The following PTGER3 variants were observed in gnomAD, a reference collection of about 807,000 sequenced individuals.
The protein encoded by PTGER3 is prostaglandin E2 receptor EP3 subtype.
In PTGER3, 22 loss-of-function variants were observed where a neutral mutation model predicts 34.7. The observed-to-expected ratio is 0.63, with a 90% CI of 0.45 to 0.91. PTGER3 has a LOEUF of 0.91. Among genes scored for constraint, PTGER3 ranks in the 40% least tolerant of loss-of-function variants. The pLI is 0.00. For synonymous variants in PTGER3, 241 were observed against 230.1 expected, an observed-to-expected ratio of 1.05 and a Z score of -0.43; for missense variants, 468 against 519.4, an observed-to-expected ratio of 0.90 and a Z score of 0.96.
intron 2 of PTGER3, chr1:71,008,443 A>G: frequency 1.1e-6 from 1 of 894,946 alleles, no homozygotes; most frequent in Non-Finnish European, 1.3e-6. Context: ...TAGGAATTAT[A>G]AAAGGGAATA....
rs563142497 is a variant in PTGER3 at position 70,930,872 on chromosome 1, C to T, written c.*23+22891G>A. Among the ~76,000 whole-genome samples the T allele has an allele frequency of 2.0e-5, 3 of 152,208 alleles. No individual in the cohort carries two copies. The East Asian group carries it at 5.8e-4, about 30-fold the overall frequency. On this transcript the variant is annotated intron_variant, in intron 4 of 4. Coordinates refer to the PTGER3 transcript ENST00000370931. ...TTCCTCCCCTGGCCCCTCCAAATCT[C>T]ATGTTCTCACATTTCAAAACCAATC...
At chr1:71,014,158 T>A (rs1292528143) in intron 1 of PTGER3, among the ~76,000 whole-genome samples, 1 of 152,140 alleles carries the variant, frequency 6.6e-6, no homozygotes, top group East Asian at 1.9e-4. Flanking sequence ...CACAGTACAT[T>A]TCTATTGAAC....
chr1:71,030,305 T>C (rs1659297586), intron 1 of PTGER3, among the ~76,000 whole-genome samples: 1 of 152,176 alleles, frequency 6.6e-6, no homozygotes. Context: ...CTAAGGCTCT[T>C]TCTCTTTTCC....
At chr1:71,008,267 A>T (rs1657139447) in intron 2 of PTGER3, 1 of 912,244 alleles carries the variant, frequency 1.1e-6, no homozygotes, top group Admixed American at 6.2e-5. Context: ...AAAATAAGAT[A>T]ATTTTTATTC....
At chr1:70,978,243 C>G (rs917255371) in intron 2 of PTGER3, among the ~76,000 whole-genome samples, 22 of 152,058 alleles carry the variant, frequency 1.4e-4, no homozygotes, top group African/African-American at 4.8e-4. Flanking sequence ...GGTATATGCT[C>G]TCATCTTTGA....
At position 71,047,299 on chromosome 1, in the gene PTGER3, GC is replaced by G; in HGVS notation, c.278del (p.Gly93AlafsTer43). On this transcript the variant is annotated frameshift_variant, in exon 1 of 4. Transcript: ENST00000306666. LOFTEE classifies it high-confidence loss of function. ...KRKKSFLLCI[G>X]WLALTDLVGQ... ...CGACCAGGTCGGTGAGCGCCAGCCA[GC>G]CGATGCACAGCAGGAAGGACTTCTT... The G allele has an allele frequency of 6.2e-7, 1 of 1,603,484 alleles. No individual in the cohort carries two copies. Among genetic ancestry groups the G allele is most frequent in the Non-Finnish European group, 8.5e-7 (1 of 1,175,660 alleles).
At chr1:70,942,755 G>C (rs1395532318) in intron 4 of PTGER3, among the ~76,000 whole-genome samples, 5 of 152,094 alleles carry the variant, frequency 3.3e-5, no homozygotes, top group Non-Finnish European at 7.4e-5. Flanking sequence ...AGGTCTTCAG[G>C]GTGGGCCTTA....
intron 4 of PTGER3, among the ~76,000 whole-genome samples, chr1:70,910,470 A>G (rs538745330): frequency 2.6e-5 from 4 of 152,308 alleles, no homozygotes; most frequent in Non-Finnish European, 5.9e-5. Flanking sequence ...GTGCAGTGGC[A>G]TGATGATGGC....
chr1:70,901,885 C>A (rs1477230872), intron 4 of PTGER3, among the ~76,000 whole-genome samples: 1 of 152,074 alleles, frequency 6.6e-6, no homozygotes, highest in Non-Finnish European at 1.5e-5. Flanking sequence ...AAGAGAAAAA[C>A]CAGTTTATTA....
chr1:70,882,480 C>T (rs1053321576), intron 4 of PTGER3, among the ~76,000 whole-genome samples: 3 of 152,194 alleles, frequency 2.0e-5, no homozygotes, highest in African/African-American at 7.2e-5. Context: ...TGGTAGTGAG[C>T]CCTGTCCAAT....
intron 4 of PTGER3, among the ~76,000 whole-genome samples, chr1:70,893,509 C>T (rs1646663062): frequency 6.6e-6 from 1 of 152,162 alleles, no homozygotes; most frequent in Non-Finnish European, 1.5e-5. Flanking sequence ...GCTACATCAC[C>T]AGGACTTTCC....
intron 4 of PTGER3, among the ~76,000 whole-genome samples, chr1:70,865,438 G>A (rs1265121368): frequency 1.3e-5 from 2 of 152,102 alleles, no homozygotes; most frequent in Admixed American, 6.6e-5. Flanking sequence ...CCCCTTTAAG[G>A]AATTAACAGT....
chr1:70,875,627 C>T (rs1166549233), intron 4 of PTGER3, among the ~76,000 whole-genome samples: 2 of 152,126 alleles, frequency 1.3e-5, no homozygotes, highest in African/African-American at 4.8e-5. Context: ...TCCTCCCACC[C>T]TCCAGCCTCA....
chr1:70,907,066 A>G (rs1449309226), intron 4 of PTGER3, among the ~76,000 whole-genome samples: 1 of 152,230 alleles, frequency 6.6e-6, no homozygotes, highest in Non-Finnish European at 1.5e-5. Context: ...GAGTCACAAG[A>G]CATCAGTTCA....
rs144028669 is a variant in PTGER3 at position 70,882,013 on chromosome 1, T to C, written c.*24-29154A>G. 1.7e-3 allele frequency among the ~76,000 whole-genome samples: 254 copies of C among 152,162 alleles called. 2 individuals carry two copies. The highest frequency in any genetic ancestry group is 5.9e-3 in the African/African-American group (245 of 41,532). ...CAGGAAGCTGCACCTCCAACAAATT[T>C]AGACAGAGGTGGAACCTGTGAATTG... On this transcript the variant is annotated intron_variant, in intron 4 of 4. Coordinates refer to the PTGER3 transcript ENST00000370931.
intron 2 of PTGER3, among the ~76,000 whole-genome samples, chr1:70,990,333 G>GAGTGTGTGT (rs1655325529): frequency 7.1e-6 from 1 of 140,306 alleles, no homozygotes; most frequent in African/African-American, 2.7e-5. Context: ...CTCCAGCCTG[G>GAGTGTGTGT]GCGACAGAAC....
chr1:71,008,836 C>A (rs1657195343), intron 2 of PTGER3: 4 of 959,798 alleles, frequency 4.2e-6, no homozygotes, highest in Non-Finnish European at 3.7e-6. Flanking sequence ...AATTTTAATT[C>A]TTCAAGTTAG....
At chr1:71,043,738 G>A (rs1438713976) in intron 1 of PTGER3, among the ~76,000 whole-genome samples, 1 of 151,688 alleles carries the variant, frequency 6.6e-6, no homozygotes, top group Non-Finnish European at 1.5e-5. Context: ...TAAGAAAGCA[G>A]CTTTGCCAGT....
At chr1:70,983,522 C>T (rs1230776411) in intron 2 of PTGER3, among the ~76,000 whole-genome samples, 1 of 152,130 alleles carries the variant, frequency 6.6e-6, no homozygotes, top group Admixed American at 6.5e-5. Flanking sequence ...TTTGAAATCA[C>T]AGACTGTATC....
Sources: gnomAD v4.1 joint callset for allele counts (sites outside exome capture counted in the v4.1 genomes callset) on GRCh38, gnomAD v4.1.1 for gene constraint, MANE v1.5 for transcripts, NCBI Gene and HGNC (gene_info 2026-07-23, HGNC 2026-07-21) for gene names.